Variants in DIAPH2 observed in about 807,000 individuals in gnomAD.
DIAPH2 encodes protein diaphanous homolog 2.
A neutral mutation model predicts 92.7 loss-of-function variants in DIAPH2; 35 were observed. The ratio of observed to expected loss-of-function variants is 0.38; its 90% CI spans 0.29 to 0.50. The LOEUF (loss-of-function observed/expected upper bound fraction) is 0.50. Ranked by LOEUF, DIAPH2 falls within the 20% of genes least tolerant of loss-of-function variation. The pLI is 0.94. For missense variants in DIAPH2, 701 were observed against 819.5 expected, an observed-to-expected ratio of 0.86 and a Z score of 1.77; for synonymous variants, 301 against 280.4, an observed-to-expected ratio of 1.07 and a Z score of -0.73.
chrX:96,831,441 G>C (rs1368490112), intron 4 of DIAPH2, among the ~76,000 whole-genome samples: 1 of 112,033 alleles, frequency 8.9e-6, no homozygotes, highest in Non-Finnish European at 1.9e-5. Context: ...TTTACAGTCT[G>C]TTGGCACTTG....
chrX:97,373,845 G>A (rs1356492284), intron 24 of DIAPH2, among the ~76,000 whole-genome samples: 2 of 109,599 alleles, frequency 1.8e-5, no homozygotes, highest in African/African-American at 6.6e-5. Flanking sequence ...CAGGTGATCC[G>A]CCTGCCTCGG....
chrX:97,433,451 C>T (rs188568371), intron 26 of DIAPH2, among the ~76,000 whole-genome samples: 15 of 111,573 alleles, frequency 1.3e-4, no homozygotes, highest in Non-Finnish European at 2.4e-4. Context: ...GGTAGGCAGA[C>T]GTTGCAATGA....
At chrX:97,509,335 CTG>C (rs1283792891) in intron 26 of DIAPH2, among the ~76,000 whole-genome samples, 1 of 109,793 alleles carries the variant, frequency 9.1e-6, no homozygotes, top group Non-Finnish European at 1.9e-5. Context: ...GCGTAAGCCA[CTG>C]TGCCCAGCCC....
intron 26 of DIAPH2, among the ~76,000 whole-genome samples, chrX:97,577,510 C>T (rs761699647): frequency 9.0e-6 from 1 of 111,572 alleles, no homozygotes; most frequent in Non-Finnish European, 1.9e-5. Context: ...CTATTGGAGT[C>T]GAGAGGAGAG....
At position 97,145,282 on chromosome X, in the gene DIAPH2, C is replaced by CAGTAGTAGTAGTAGTAGTAGT. The variant is rs3044923; in HGVS notation, c.2719+3510_2719+3530dup. 3.6e-3 allele frequency among the ~76,000 whole-genome samples: 329 copies of CAGTAGTAGTAGTAGTAGTAGT among 92,093 alleles called. 4 individuals are homozygous for CAGTAGTAGTAGTAGTAGTAGT. Among genetic ancestry groups the CAGTAGTAGTAGTAGTAGTAGT allele is most frequent in the African/African-American group, 0.011 (287 of 25,057 alleles). 80.0% of individuals were successfully genotyped at this position (92,093 alleles called of 115,157 possible). ...TATGCGGCTGTTGCTGAACTACTAC[C>CAGTAGTAGTAGTAGTAGTAGT]AGTAGTAGTAGTAGTAGTAGTAGTA... On this transcript the variant is annotated intron_variant, in intron 22 of 26. Transcript: ENST00000324765.
At chrX:96,796,849 CTT>C (rs1315304015) in intron 4 of DIAPH2, among the ~76,000 whole-genome samples, 1 of 111,369 alleles carries the variant, frequency 9.0e-6, no homozygotes, top group Non-Finnish European at 1.9e-5. Flanking sequence ...TAAACAATCT[CTT>C]ATATATTCTC....
chrX:97,003,470 T>C (rs1453305873), intron 17 of DIAPH2, among the ~76,000 whole-genome samples: 1 of 112,288 alleles, frequency 8.9e-6, no homozygotes, highest in Admixed American at 9.4e-5. Context: ...GCATTTGTTA[T>C]TGCCTGTCTT....
chrX:97,540,802 G>A (rs2071134137), intron 26 of DIAPH2, among the ~76,000 whole-genome samples: 1 of 112,134 alleles, frequency 8.9e-6, no homozygotes, highest in Non-Finnish European at 1.9e-5. Flanking sequence ...AAGCAAAACA[G>A]TAATGTGGCA....
At chrX:97,109,739 T>G (rs1157106947) in intron 20 of DIAPH2, among the ~76,000 whole-genome samples, 1 of 111,708 alleles carries the variant, frequency 9.0e-6, no homozygotes, top group East Asian at 2.8e-4. Flanking sequence ...CTATATGTCC[T>G]CTTCTTGACC....
At chrX:96,809,685 A>G (rs1299614748) in intron 4 of DIAPH2, among the ~76,000 whole-genome samples, 1 of 110,576 alleles carries the variant, frequency 9.0e-6, no homozygotes, top group Non-Finnish European at 1.9e-5. Context: ...ACCCCATGAC[A>G]GGCCCCAGTG....
At chrX:97,123,954 G>A (rs1602357487) in intron 21 of DIAPH2, among the ~76,000 whole-genome samples, 1 of 112,374 alleles carries the variant, frequency 8.9e-6, no homozygotes, top group East Asian at 2.8e-4. Flanking sequence ...AAGAAAACTT[G>A]ATGAAGGTAA....
intron 22 of DIAPH2, among the ~76,000 whole-genome samples, chrX:97,193,320 T>A (rs932604962): frequency 5.4e-5 from 6 of 111,760 alleles, no homozygotes; most frequent in African/African-American, 2.0e-4. Flanking sequence ...AGCCCACATT[T>A]CTATTCTTAA....
intron 25 of DIAPH2, among the ~76,000 whole-genome samples, chrX:97,415,856 G>GA (rs944004850): frequency 5.5e-5 from 6 of 108,943 alleles, no homozygotes; most frequent in African/African-American, 1.0e-4. Context: ...GTATAATTAA[G>GA]AAAAAAAAAT....
intron 26 of DIAPH2, among the ~76,000 whole-genome samples, chrX:97,482,096 T>C (rs1317140112): frequency 8.9e-6 from 1 of 112,186 alleles, no homozygotes; most frequent in Admixed American, 9.5e-5. Flanking sequence ...CGTAAAGCAC[T>C]AAGTATACTA....
At position 97,298,583 on chromosome X, in the gene DIAPH2, A is replaced by ACATTTACC. The variant is rs745339540; in HGVS notation, c.2845-49532_2845-49525dup. ...CAGATTTTATATATGTGTTTTTTTC[A>ACATTTACC]CATTTACCATTAAGGGACTCTTAGT... On this transcript the variant is annotated intron_variant, in intron 23 of 26. Transcript: ENST00000324765. Among the ~76,000 whole-genome samples, 4 of 105,955 alleles carry ACATTTACC rather than the reference A, an allele frequency of 3.8e-5. No individual in the cohort carries two copies. In the East Asian group the frequency reaches 1.2e-3, roughly 31 times the overall value. 92.0% of individuals were successfully genotyped at this position (105,955 alleles called of 115,157 possible). A position where few individuals can be genotyped will look rare whatever the true frequency, so the allele number is the denominator to read the frequency against.
chrX:97,269,421 G>T (rs2068366981), intron 23 of DIAPH2, among the ~76,000 whole-genome samples: 1 of 112,205 alleles, frequency 8.9e-6, no homozygotes, highest in Non-Finnish European at 1.9e-5. Context: ...AACACTCTGT[G>T]GATACTAAGA....
At chrX:97,367,851 C>T (rs933670826) in intron 24 of DIAPH2, among the ~76,000 whole-genome samples, 3 of 110,574 alleles carry the variant, frequency 2.7e-5, no homozygotes, top group Non-Finnish European at 5.7e-5. Context: ...TACAGGTGCT[C>T]GCCACCAGGC....
intron 4 of DIAPH2, among the ~76,000 whole-genome samples, chrX:96,779,615 A>G (rs2147623782): frequency 8.9e-6 from 1 of 112,557 alleles, no homozygotes; most frequent in African/African-American, 3.2e-5. Flanking sequence ...TCAGATTGCT[A>G]TTTGAATTAG....
chrX:97,279,455 C>T lies in DIAPH2; in HGVS notation c.2844+31616C>T, dbSNP rs1194228893. Among the ~76,000 whole-genome samples, 5 of 109,576 alleles carry T rather than the reference C, an allele frequency of 4.6e-5. No homozygotes were observed. In the Admixed American group the frequency reaches 4.9e-4, roughly 11 times the overall value. On this transcript the variant is annotated intron_variant, in intron 23 of 26. Coordinates refer to ENST00000324765, the MANE Select transcript of DIAPH2 (RefSeq NM_006729.5). The stretch of plus-strand genomic sequence containing the variant: ...AGTAGCTGGGATTACAGGTGCCCAC[C>T]ACCATACCTGGCTAATTTTTGTATT...
Sources: gnomAD v4.1 joint callset for allele counts (sites outside exome capture counted in the v4.1 genomes callset) on GRCh38, gnomAD v4.1.1 for gene constraint, MANE v1.5 for transcripts, NCBI Gene and HGNC (gene_info 2026-07-23, HGNC 2026-07-21) for gene names.